DCLK2: variants seen among roughly 807,000 people sequenced by gnomAD.
DCLK2 encodes serine/threonine-protein kinase DCLK2.
Under a neutral mutation model 78.4 loss-of-function variants are expected in DCLK2, and 31 were observed. The observed-to-expected ratio is 0.40, with a 90% CI of 0.30 to 0.53. The LOEUF (loss-of-function observed/expected upper bound fraction) is 0.53, where lower values mean the gene tolerates loss of function less well. DCLK2 is among the 20% of genes least tolerant of loss of function. The pLI is 0.61. For missense variants in DCLK2, 872 were observed against 973.7 expected (o/e 0.90, Z 1.39); for synonymous variants, 407 against 374.9 (o/e 1.09, Z -0.99).
chr4:150,182,684 T>G (rs574817831), intron 2 of DCLK2, among the ~76,000 whole-genome samples: 2 of 152,120 alleles, frequency 1.3e-5, no homozygotes, highest in Non-Finnish European at 2.9e-5. Context: ...TAAAATGAAA[T>G]GCAGCTCCCT....
intron 5 of DCLK2, among the ~76,000 whole-genome samples, chr4:150,218,093 C>A (rs1203740958): frequency 6.8e-6 from 1 of 147,740 alleles, no homozygotes; most frequent in Non-Finnish European, 1.5e-5. Flanking sequence ...CCCCGCCCCC[C>A]CTCCCCCCAC....
At chr4:150,090,267 G>A (rs1198336761) in intron 1 of DCLK2, among the ~76,000 whole-genome samples, 6 of 152,152 alleles carry the variant, frequency 3.9e-5, no homozygotes, top group Non-Finnish European at 5.9e-5. Flanking sequence ...TTAGCTGAGC[G>A]TGGTGGCGCA....
chr4:150,212,350 C>T (rs1202553445), intron 5 of DCLK2, among the ~76,000 whole-genome samples: 2 of 152,192 alleles, frequency 1.3e-5, no homozygotes, highest in Non-Finnish European at 2.9e-5. Flanking sequence ...TGTAACTCTT[C>T]GACCTTCTGA....
At chr4:150,149,415 G>T (rs1402409993) in intron 2 of DCLK2, among the ~76,000 whole-genome samples, 1 of 152,204 alleles carries the variant, frequency 6.6e-6, no homozygotes, top group Non-Finnish European at 1.5e-5. Context: ...GCTGGTGGAA[G>T]TGGGTGTGTT....
chr4:150,191,930 G>T (rs1453696578), intron 2 of DCLK2, among the ~76,000 whole-genome samples: 1 of 152,140 alleles, frequency 6.6e-6, no homozygotes, highest in Admixed American at 6.5e-5. Context: ...ATTGAGATTT[G>T]TCAGCCTGTT....
At chr4:150,132,297 A>C (rs1484309613) in intron 2 of DCLK2, among the ~76,000 whole-genome samples, 1 of 152,212 alleles carries the variant, frequency 6.6e-6, no homozygotes, top group Non-Finnish European at 1.5e-5. Context: ...CTAGCATTCA[A>C]GTGCTGGATT....
At chr4:150,111,943 A>T (rs1430246217) in intron 2 of DCLK2, among the ~76,000 whole-genome samples, 1 of 152,154 alleles carries the variant, frequency 6.6e-6, no homozygotes, top group African/African-American at 2.4e-5. Context: ...TGCTTTGGCT[A>T]TCTTGGCTCT....
At chr4:150,131,625 G>A (rs980671982) in intron 2 of DCLK2, among the ~76,000 whole-genome samples, 1 of 152,076 alleles carries the variant, frequency 6.6e-6, no homozygotes, top group Non-Finnish European at 1.5e-5. Context: ...TTGAGCCTGG[G>A]ACAATCCTGG....
At position 150,079,169 on chromosome 4, in the gene DCLK2, C is replaced by G. The variant is rs1289350050; in HGVS notation, c.142C>G (p.Pro48Ala). ...CAAGGGGAACGGGCTCATCCCCAGT[C>G]CGGCGCACAGTGCCCACTGCAGCTT... ...GPKGNGLIPS[P>A]AHSAHCSFYR... Residue 48 changes from proline to alanine, a missense_variant, in exon 1 of 16, where the codon CCG (proline) becomes GCG (alanine). Pro to Ala is a conservative substitution (Grantham distance 27). Coordinates refer to ENST00000296550, the MANE Select transcript of DCLK2 (RefSeq NM_001040260.4). 1 of 1,608,586 alleles carries G rather than the reference C, an allele frequency of 6.2e-7. No individual in the cohort carries two copies. Among genetic ancestry groups the G allele is most frequent in the Non-Finnish European group, 8.5e-7 (1 of 1,177,460 alleles).
At chr4:150,149,916 A>C (rs1193060253) in intron 2 of DCLK2, among the ~76,000 whole-genome samples, 1 of 152,220 alleles carries the variant, frequency 6.6e-6, no homozygotes, top group African/African-American at 2.4e-5. Context: ...ATTTTAGAGC[A>C]AATAAAACTT....
At chr4:150,140,130 C>T (rs1218336447) in intron 2 of DCLK2, among the ~76,000 whole-genome samples, 3 of 152,136 alleles carry the variant, frequency 2.0e-5, no homozygotes, top group African/African-American at 7.2e-5. Flanking sequence ...CTAATTTTCC[C>T]TCCATAGAAA....
At chr4:150,241,231 C>G (rs1016563639) in intron 12 of DCLK2, among the ~76,000 whole-genome samples, 7 of 152,196 alleles carry the variant, frequency 4.6e-5, no homozygotes, top group Admixed American at 3.9e-4. Flanking sequence ...CCTGGGAATA[C>G]ACAGACTGAG....
At chr4:150,138,861 T>C (rs770839367) in intron 2 of DCLK2, among the ~76,000 whole-genome samples, 5 of 152,072 alleles carry the variant, frequency 3.3e-5, no homozygotes, top group African/African-American at 1.2e-4. Flanking sequence ...AGACAGGGTT[T>C]CACCTTGTTA....
intron 2 of DCLK2, among the ~76,000 whole-genome samples, chr4:150,174,364 A>C (rs1399963231): frequency 6.6e-6 from 1 of 152,118 alleles, no homozygotes; most frequent in African/African-American, 2.4e-5. Context: ...AGTCAGGAAG[A>C]GTATAGAGGC....
chr4:150,230,535 G>T (rs535096972), intron 8 of DCLK2, among the ~76,000 whole-genome samples: 1 of 152,334 alleles, frequency 6.6e-6, no homozygotes, highest in East Asian at 1.9e-4. Context: ...AATGACAGTA[G>T]CAACTGTTGT....
At chr4:150,190,053 G>GAAAAAAAAAAAAAAAAAAAAAC in intron 2 of DCLK2, among the ~76,000 whole-genome samples, 2 of 12,978 alleles carry the variant, frequency 1.5e-4, no homozygotes, top group Admixed American at 6.4e-4. Flanking sequence ...AAAAAAAAAG[G>GAAAAAAAAAAAAAAAAAAAAAC]CCAAGTGTGG....
chr4:150,104,758 A>AT (rs1034117475), intron 2 of DCLK2, among the ~76,000 whole-genome samples: 6 of 137,642 alleles, frequency 4.4e-5, no homozygotes, highest in Non-Finnish European at 9.8e-5. Flanking sequence ...AAAATGGGTG[A>AT]TTTTTTAAAA....
intron 5 of DCLK2, among the ~76,000 whole-genome samples, chr4:150,207,454 G>A (rs887018581): frequency 1.3e-5 from 2 of 152,164 alleles, no homozygotes; most frequent in African/African-American, 2.4e-5. Flanking sequence ...TTTAATCTCT[G>A]ATCATGGATT....
At chr4:150,156,538 G>A (rs1010160423) in intron 2 of DCLK2, among the ~76,000 whole-genome samples, 2 of 150,200 alleles carry the variant, frequency 1.3e-5, no homozygotes, top group Admixed American at 1.3e-4. Context: ...GGGCATGGTG[G>A]CACATGCCTG....
Sources: gnomAD v4.1 joint callset for allele counts (sites outside exome capture counted in the v4.1 genomes callset) on GRCh38, gnomAD v4.1.1 for gene constraint, MANE v1.5 for transcripts, NCBI Gene and HGNC (gene_info 2026-07-23, HGNC 2026-07-21) for gene names.